Variants in HTT observed in about 807,000 individuals in gnomAD.
The protein encoded by HTT is huntington disease protein.
A neutral mutation model predicts 362.3 loss-of-function variants in HTT; 104 were observed. The ratio of observed to expected loss-of-function variants is 0.29; its 90% CI spans 0.24 to 0.34. HTT has a LOEUF of 0.34. Among genes scored for constraint, HTT ranks in the 10% least tolerant of loss-of-function variants. The pLI is 1.00. For synonymous variants in HTT, 1,577 were observed against 1,548.7 expected (o/e 1.02, Z -0.43); for missense variants, 3,301 against 3,928.6 (o/e 0.84, Z 4.27).
chr4:3,131,142 G>A, intron 14 of HTT, 144 bp from the exon 15 acceptor site: 1 of 651,452 alleles, frequency 1.5e-6, no homozygotes, highest in Non-Finnish European at 2.8e-6. Flanking sequence ...TGTGAGGTCA[G>A]GTGTGCATAT....
chr4:3,111,888 C>G (rs1714770191), intron 6 of HTT, among the ~76,000 whole-genome samples: 1 of 152,178 alleles, frequency 6.6e-6, no homozygotes, highest in Admixed American at 6.5e-5. Context: ...GTGGCGCCTC[C>G]AAAGCCCGAG....
At chr4:3,146,316 G>C (rs931726127) in intron 24 of HTT, among the ~76,000 whole-genome samples, 7 of 152,188 alleles carry the variant, frequency 4.6e-5, no homozygotes, top group Non-Finnish European at 1.0e-4. Flanking sequence ...AAGATATGGC[G>C]TGTTAAAGGA....
chr4:3,166,689 T>C (rs1231104510), intron 29 of HTT, among the ~76,000 whole-genome samples: 1 of 152,234 alleles, frequency 6.6e-6, no homozygotes, highest in Non-Finnish European at 1.5e-5. Flanking sequence ...CCAGGTCGAT[T>C]TCAGAGTGCT....
At chr4:3,179,533 G>T (rs1718397403) in intron 35 of HTT, among the ~76,000 whole-genome samples, 1 of 152,100 alleles carries the variant, frequency 6.6e-6, no homozygotes, top group Non-Finnish European at 1.5e-5. Context: ...GTGTTTGTGT[G>T]TGTGTCAAAG....
At position 3,077,177 on chromosome 4, in the gene HTT, C is replaced by CA. The variant is rs1322225035; in HGVS notation, c.263+2097dup. The stretch of plus-strand genomic sequence containing the variant: ...TGGGTGACAGAGCGAGACTCTATCT[C>CA]AAAAAAAATTTTTTTTAATGTATTA... On this transcript the variant is annotated intron_variant, in intron 1 of 66. Coordinates refer to ENST00000355072, the MANE Select transcript of HTT (RefSeq NM_001388492.1). Among the ~76,000 whole-genome samples the CA allele has an allele frequency of 5.3e-5, 8 of 151,880 alleles. No individual in the cohort carries two copies. In the South Asian group the frequency reaches 6.3e-4, roughly 12 times the overall value.
intron 27 of HTT, among the ~76,000 whole-genome samples, chr4:3,156,425 C>T (rs1176789033): frequency 1.3e-5 from 2 of 152,090 alleles, no homozygotes; most frequent in Non-Finnish European, 1.5e-5. Context: ...CGGCCTCAAG[C>T]GTTTTAAAAG....
intron 23 of HTT, among the ~76,000 whole-genome samples, chr4:3,144,358 C>T (rs1396831136): frequency 3.9e-5 from 6 of 152,160 alleles, no homozygotes; most frequent in Non-Finnish European, 8.8e-5. Flanking sequence ...CACTCTGTTG[C>T]CCAGGCTAGA....
intron 39 of HTT, 132 bp downstream of exon 39, chr4:3,188,018 T>G (rs2110248738): frequency 1.6e-6 from 1 of 622,610 alleles, no homozygotes; most frequent in East Asian, 2.7e-5. Context: ...TCTGTATCAG[T>G]GTAATTTTCT....
chr4:3,109,560 A>AT (rs1013175449), intron 6 of HTT, among the ~76,000 whole-genome samples: 39 of 147,912 alleles, frequency 2.6e-4, no homozygotes, highest in South Asian at 1.1e-3. Context: ...TTCTACTGCT[A>AT]TTTTTTTTTT....
intron 65 of HTT, 58 bp downstream of exon 65, chr4:3,238,667 C>G: frequency 6.5e-7 from 1 of 1,533,146 alleles, no homozygotes; most frequent in Non-Finnish European, 8.9e-7. Flanking sequence ...GAGTTGCCTC[C>G]GACTTCCCAG....
intron 13 of HTT, 99 bp from the exon 14 acceptor site, chr4:3,130,206 T>G: frequency 9.3e-7 from 1 of 1,074,134 alleles, no homozygotes; most frequent in South Asian, 1.6e-5. Context: ...TACTTTTTCT[T>G]GATCTAAATC....
At chr4:3,107,530 A>G (rs1220775463) in intron 6 of HTT, 107 bp downstream of exon 6, 2 of 1,082,540 alleles carry the variant, frequency 1.8e-6, no homozygotes, top group Non-Finnish European at 2.7e-6. Flanking sequence ...TTCTTGGGGT[A>G]TGTTGTATGT....
In HTT at chr4:3,146,949, G is replaced by T; in HGVS notation, c.3295+1G>T. On this transcript the variant is annotated splice_donor_variant, in intron 25 of 66. Transcript: ENST00000355072. LOFTEE classifies it high-confidence loss of function. ...ATTTTGGCCGGAAACTTGCTTGCAGGTACTGGTACTGAGTTGAAACAGGGA... is the reference window on the plus strand; with the variant it reads ...ATTTTGGCCGGAAACTTGCTTGCAGTTACTGGTACTGAGTTGAAACAGGGA... The T allele has an allele frequency of 6.2e-7, 1 of 1,614,092 alleles. No individual in the cohort carries two copies. Among genetic ancestry groups the T allele is most frequent in the South Asian group, 1.1e-5 (1 of 91,084 alleles).
intron 36 of HTT, among the ~76,000 whole-genome samples, chr4:3,181,502 T>G (rs1287373467): frequency 6.6e-6 from 1 of 152,188 alleles, no homozygotes; most frequent in African/African-American, 2.4e-5. Flanking sequence ...CAGAAATCTC[T>G]CTTTTTAAAT....
intron 22 of HTT, among the ~76,000 whole-genome samples, chr4:3,142,313 A>G (rs980032799): frequency 6.6e-6 from 1 of 152,208 alleles, no homozygotes; most frequent in Non-Finnish European, 1.5e-5. Flanking sequence ...TAATTCATTT[A>G]TAATTTATTT....
chr4:3,075,118 C>T (rs1419020061), intron 1 of HTT, 30 bp downstream of exon 1: 4 of 1,217,064 alleles, frequency 3.3e-6, no homozygotes, highest in South Asian at 4.0e-5. Context: ...AGCTCCCTGT[C>T]CCGGCGGGTC....
intron 2 of HTT, among the ~76,000 whole-genome samples, chr4:3,096,240 A>G (rs897501628): frequency 6.6e-6 from 1 of 152,242 alleles, no homozygotes; most frequent in African/African-American, 2.4e-5. Context: ...GCAAAGCCTG[A>G]CAGAACTACA....
intron 12 of HTT, chr4:3,128,203 G>C (rs1226495525): frequency 6.6e-6 from 1 of 152,272 alleles, no homozygotes; most frequent in Non-Finnish European, 1.5e-5. Flanking sequence ...AAAGTATTGG[G>C]ATTATAGTTG....
chr4:3,218,464 C>G lies in HTT; in HGVS notation c.7242+512C>G, dbSNP rs1404773090. Reference sequence around the variant, plus strand: ...CCTGGCCAACATGGTGAAACCCCATCTCTACTAAAAATATAAAAATTAGCC... The same window carrying G: ...CCTGGCCAACATGGTGAAACCCCATGTCTACTAAAAATATAAAAATTAGCC... On this transcript the variant is annotated intron_variant, in intron 52 of 66. Coordinates refer to ENST00000355072, the MANE Select transcript of HTT (RefSeq NM_001388492.1). The surrounding 1 kb of genome is among the most constrained non-coding windows in gnomAD (Gnocchi z 4.4). 6.6e-6 allele frequency among the ~76,000 whole-genome samples: 1 copy of G among 152,118 alleles called. No individual in the cohort carries two copies. Among genetic ancestry groups the G allele is most frequent in the East Asian group, 1.9e-4 (1 of 5,186 alleles).
Sources: gnomAD v4.1 joint callset for allele counts (sites outside exome capture counted in the v4.1 genomes callset) on GRCh38, gnomAD v4.1.1 for gene constraint, Gnocchi (gnomAD v3.1) non-coding constraint, MANE v1.5 for transcripts, NCBI Gene and HGNC (gene_info 2026-07-23, HGNC 2026-07-21) for gene names.